AGBL4: variants seen among roughly 807,000 people sequenced by gnomAD.
AGBL4 encodes the protein cytosolic carboxypeptidase 6.
Under a neutral mutation model 66.4 loss-of-function variants are expected in AGBL4, and 58 were observed. The observed-to-expected ratio is 0.87, with a 90% CI of 0.71 to 1.09. AGBL4 has a LOEUF of 1.09. Among genes scored for constraint, AGBL4 ranks in the 50% least tolerant of loss-of-function variants. AGBL4 has a pLI of 0.00. For missense variants in AGBL4, 579 were observed against 631.0 expected (o/e 0.92, Z 0.88); for synonymous variants, 234 against 222.9 (o/e 1.05, Z -0.44).
chr1:48,988,544 T>C (rs974381511), intron 5 of AGBL4, among the ~76,000 whole-genome samples: 2 of 152,170 alleles, frequency 1.3e-5, no homozygotes, highest in Admixed American at 6.5e-5. Context: ...AACTTTCTCT[T>C]AAGACAGCAA....
chr1:48,747,711 C>A (rs1223360124), intron 6 of AGBL4, among the ~76,000 whole-genome samples: 1 of 152,122 alleles, frequency 6.6e-6, no homozygotes, highest in Admixed American at 6.6e-5. Context: ...TTTGCTGGGG[C>A]AACAAATACA....
chr1:49,665,858 A>G (rs1646354220), intron 3 of AGBL4, among the ~76,000 whole-genome samples: 1 of 151,206 alleles, frequency 6.6e-6, no homozygotes, highest in South Asian at 2.1e-4. Context: ...ACATACATCA[A>G]ACAGACCCTT....
chr1:49,703,819 T>C (rs1397226838), intron 2 of AGBL4, among the ~76,000 whole-genome samples: 4 of 152,034 alleles, frequency 2.6e-5, no homozygotes, highest in Admixed American at 6.6e-5. Context: ...CATAGATTTT[T>C]CTATGTAAAG....
intron 9 of AGBL4, 95 bp from the exon 10 acceptor site, chr1:48,591,080 A>ACCCCC (rs1644909627): frequency 1.2e-6 from 1 of 808,698 alleles, no homozygotes; most frequent in African/African-American, 2.3e-5. Context: ...CCCCCCACAC[A>ACCCCC]CACCCACCCA....
intron 9 of AGBL4, among the ~76,000 whole-genome samples, chr1:48,592,534 C>T (rs978607770): frequency 1.3e-5 from 2 of 152,138 alleles, no homozygotes; most frequent in African/African-American, 2.4e-5. Context: ...TCATTTTCAG[C>T]TTTGGAGGTG....
intron 3 of AGBL4, among the ~76,000 whole-genome samples, chr1:49,437,940 A>C (rs1645939697): frequency 6.6e-6 from 1 of 152,170 alleles, no homozygotes; most frequent in African/African-American, 2.4e-5. Context: ...CCCATTTCTA[A>C]GAATGTTCAC....
At position 48,780,880 on chromosome 1, in the gene AGBL4, T is replaced by C. The variant is rs377092490; in HGVS notation, c.634+86311A>G. ...GACATAGGCATGGGCAAAGACTTCA[T>C]GACTAAAACACTAAAAGCAATGGCG... On this transcript the variant is annotated intron_variant, in intron 6 of 13. Coordinates refer to ENST00000371839, the MANE Select transcript of AGBL4 (RefSeq NM_032785.4). 4.6e-5 allele frequency among the ~76,000 whole-genome samples: 7 copies of C among 152,326 alleles called. No homozygotes were observed. In the East Asian group the frequency reaches 7.7e-4, roughly 17 times the overall value.
rs1645635003 is a variant in AGBL4 at position 48,634,351 on chromosome 1, A to G, written c.951+142T>C. 5 of 586,688 alleles carry G rather than the reference A, an allele frequency of 8.5e-6. No individual in the cohort carries two copies. In the South Asian group the frequency reaches 1.2e-4, roughly 14 times the overall value. 36.3% of individuals were successfully genotyped at this position (586,688 alleles called of 1,614,324 possible). A position where few individuals can be genotyped will look rare whatever the true frequency, so the allele number is the denominator to read the frequency against. On this transcript the variant is annotated intron_variant, in intron 9 of 13. Transcript: ENST00000371839. ...GAAGGTCCTTGGGTCTGCTGGATTC[A>G]GAGAAGAGCAGGCCTAGTGCCTCCC... is the stretch of plus-strand genomic sequence containing the variant.
At chr1:49,035,534 G>A (rs907528807) in intron 5 of AGBL4, among the ~76,000 whole-genome samples, 6 of 152,090 alleles carry the variant, frequency 3.9e-5, no homozygotes, top group African/African-American at 7.2e-5. Flanking sequence ...CTTCCCTGGT[G>A]GGCTGTCTGC....
At chr1:49,942,933 A>G (rs1049568445) in intron 1 of AGBL4, among the ~76,000 whole-genome samples, 7 of 152,196 alleles carry the variant, frequency 4.6e-5, no homozygotes, top group Non-Finnish European at 1.0e-4. Flanking sequence ...TATACAAAAT[A>G]CATAGGCAAC....
chr1:49,248,196 T>C (rs947245581), intron 3 of AGBL4, among the ~76,000 whole-genome samples: 2 of 152,190 alleles, frequency 1.3e-5, no homozygotes, highest in African/African-American at 4.8e-5. Flanking sequence ...CATAAGATAA[T>C]GGTAACCACG....
rs573070232 is a variant in AGBL4 at position 49,031,845 on chromosome 1, T to A, written c.594+13739A>T. On this transcript the variant is annotated intron_variant, in intron 5 of 13. Coordinates refer to ENST00000371839, the MANE Select transcript of AGBL4 (RefSeq NM_032785.4). ...TCCTTGTCCTCATGGAGTTTAAAAA[T>A]CTTCTAAAGAAAAATGTTGAATGAG... 3.9e-4 allele frequency among the ~76,000 whole-genome samples: 60 copies of A among 152,198 alleles called. 1 individual carries two copies. In the South Asian group the frequency reaches 0.012, roughly 32 times the overall value.
Position 49,789,325 on chromosome 1 carries a change from G to A in AGBL4, c.157+62071C>T, listed in dbSNP as rs920320150. 2.6e-5 allele frequency among the ~76,000 whole-genome samples: 4 copies of A among 152,200 alleles called. No individual in the cohort carries two copies. In the East Asian group the frequency reaches 7.7e-4, roughly 29 times the overall value. On this transcript the variant is annotated intron_variant, in intron 2 of 13. Coordinates refer to ENST00000371839, the MANE Select transcript of AGBL4 (RefSeq NM_032785.4). ...TTCTTTTTTTGTTGTGTCTCTGCCA[G>A]GTTATGGTATAAAAATGATGCTGGA...
intron 1 of AGBL4, among the ~76,000 whole-genome samples, chr1:49,900,967 C>T (rs1221440085): frequency 6.6e-6 from 1 of 152,066 alleles, no homozygotes; most frequent in South Asian, 2.1e-4. Flanking sequence ...TTTATAGGTA[C>T]CATTTATAAT....
intron 3 of AGBL4, among the ~76,000 whole-genome samples, chr1:49,251,656 G>A (rs961906932): frequency 2.0e-5 from 3 of 152,210 alleles, no homozygotes; most frequent in African/African-American, 2.4e-5. Flanking sequence ...TGCCTGCAGG[G>A]AAGCAGGCAC....
chr1:49,707,551 C>T (rs1402748330), intron 2 of AGBL4, among the ~76,000 whole-genome samples: 1 of 151,968 alleles, frequency 6.6e-6, no homozygotes, highest in Admixed American at 6.6e-5. Flanking sequence ...AGCCCATTTA[C>T]ATTTGAGGTT....
intron 8 of AGBL4, among the ~76,000 whole-genome samples, chr1:48,652,141 G>T (rs1300296182): frequency 1.3e-5 from 2 of 152,170 alleles, no homozygotes; most frequent in Non-Finnish European, 2.9e-5. Context: ...GGTTGAGGCT[G>T]CAGTGAGCCA....
rs537400279 is a variant in AGBL4, at chr1:49,191,929, G to A, written c.377+53841C>T. On this transcript the variant is annotated intron_variant, in intron 4 of 13. Transcript: ENST00000371839. ...ATAGTGCTGCAGTGAACATATGCAT[G>A]CACATATATTTTTGGTAGAACAATT... 2.6e-5 allele frequency among the ~76,000 whole-genome samples: 4 copies of A among 152,228 alleles called. No individual in the cohort carries two copies. The South Asian group carries it at 8.3e-4, about 32-fold the overall frequency.
intron 3 of AGBL4, among the ~76,000 whole-genome samples, chr1:49,367,204 T>A (rs1483808045): frequency 6.6e-6 from 1 of 152,202 alleles, no homozygotes; most frequent in East Asian, 1.9e-4. Flanking sequence ...CATGTTGAAA[T>A]GTGATCTCTA....
Sources: gnomAD v4.1 joint callset for allele counts (sites outside exome capture counted in the v4.1 genomes callset) on GRCh38, gnomAD v4.1.1 for gene constraint, MANE v1.5 for transcripts, NCBI Gene and HGNC (gene_info 2026-07-23, HGNC 2026-07-21) for gene names.